RAC2: variants seen among roughly 807,000 people sequenced by gnomAD.
RAC2 encodes ras-related C3 botulinum toxin substrate 2.
A neutral mutation model predicts 24.0 loss-of-function variants in RAC2; 1 was observed. The observed-to-expected ratio is 0.04, with a 90% CI of 0.01 to 0.20. The LOEUF is 0.20. Among genes scored for constraint, RAC2 ranks in the 10% least tolerant of loss-of-function variants. The pLI is 1.00. For synonymous variants in RAC2, 114 were observed against 106.8 expected, an observed-to-expected ratio of 1.07 and a Z score of -0.41; for missense variants, 130 against 259.1, an observed-to-expected ratio of 0.50 and a Z score of 3.42.
Position 37,237,050 on chromosome 22 carries a change from G to A in RAC2, c.108-4132C>T, listed in dbSNP as rs181241200. Among the ~76,000 whole-genome samples the A allele has an allele frequency of 5.5e-3, 839 of 152,246 alleles. 6 individuals carry two copies. Among genetic ancestry groups the A allele is most frequent in the African/African-American group, 0.019 (776 of 41,546 alleles). Reference sequence around the variant, plus strand: ...CCAAAAATACAAAACTTAGCTGGGTGTGGTGGTGCATGCCTGTAGTCCCAG... The same window carrying A: ...CCAAAAATACAAAACTTAGCTGGGTATGGTGGTGCATGCCTGTAGTCCCAG... On this transcript the variant is annotated intron_variant, in intron 2 of 6. Coordinates refer to ENST00000249071, the MANE Select transcript of RAC2 (RefSeq NM_002872.5).
intron 2 of RAC2, chr22:37,241,213 G>A (rs1229399254): frequency 1.3e-5 from 10 of 770,590 alleles, no homozygotes; most frequent in Non-Finnish European, 1.2e-5. Context: ...GTCCCCAGGT[G>A]TCCCTGTTCC....
chr22:37,226,844 C>CG (rs768166435), intron 5 of RAC2, 41 bp from the exon 6 acceptor site: 103 of 1,597,162 alleles, frequency 6.4e-5, no homozygotes, highest in Middle Eastern at 5.0e-4. Flanking sequence ...GCCTAAGTGG[C>CG]GGGGGGGGTT....
chr22:37,241,352 G>A (rs1927385757), intron 2 of RAC2, among the ~76,000 whole-genome samples: 1 of 152,170 alleles, frequency 6.6e-6, no homozygotes, highest in South Asian at 2.1e-4. Flanking sequence ...CAGCCTAAAG[G>A]CCACCCCTCC....
intron 1 of RAC2, among the ~76,000 whole-genome samples, chr22:37,242,150 A>G (rs1927417366): frequency 6.6e-6 from 1 of 152,170 alleles, no homozygotes; most frequent in African/African-American, 2.4e-5. Context: ...AGTAAATCCA[A>G]CGAGGCCTAT....
intron 1 of RAC2, among the ~76,000 whole-genome samples, chr22:37,243,091 C>T (rs192713128): frequency 5.0e-4 from 76 of 152,298 alleles, no homozygotes; most frequent in African/African-American, 1.7e-3. Context: ...CTCAAACTCC[C>T]GGGCTCAGGC....
intron 2 of RAC2, among the ~76,000 whole-genome samples, chr22:37,237,741 G>A (rs1347181819): frequency 6.6e-6 from 1 of 152,138 alleles, no homozygotes; most frequent in African/African-American, 2.4e-5. Flanking sequence ...TCATGACGGA[G>A]CAACAGGAAT....
At chr22:37,233,007 G>T in intron 2 of RAC2, 89 bp from the exon 3 acceptor site, 1 of 992,692 alleles carries the variant, frequency 1.0e-6, no homozygotes, top group Non-Finnish European at 1.6e-6. Flanking sequence ...TTCCTCGGAG[G>T]CTGAGACCTA....
rs917137441 is a variant in RAC2 at position 37,231,134 on chromosome 22, C to G, written c.448+97G>C. The G allele has an allele frequency of 6.8e-7, 1 of 1,463,170 alleles. No homozygotes were observed. The allele number at this position is 1,463,170 out of a possible 1,614,324, so 90.6% of individuals were successfully genotyped here. A position where few individuals can be genotyped will look rare whatever the true frequency, so the allele number is the denominator to read the frequency against. On this transcript the variant is annotated intron_variant, in intron 5 of 6. Coordinates refer to ENST00000249071, the MANE Select transcript of RAC2 (RefSeq NM_002872.5). The surrounding 1 kb of genome is among the most constrained non-coding windows in gnomAD (Gnocchi z 5.5). ...ACAGCACAGCTGAGTTCAAACTGCA[C>G]AGCCTGGCCCTGCAGCCCGTGTTTA... is the stretch of plus-strand genomic sequence containing the variant.
chr22:37,229,201 G>A (rs1342897480), intron 5 of RAC2, among the ~76,000 whole-genome samples: 1 of 152,182 alleles, frequency 6.6e-6, no homozygotes, highest in Non-Finnish European at 1.5e-5. Flanking sequence ...CCCTCTCCGG[G>A]CCTCAGTCTC....
At chr22:37,233,048 C>T in intron 2 of RAC2, 130 bp from the exon 3 acceptor site, 4 of 715,290 alleles carry the variant, frequency 5.6e-6, no homozygotes, top group Non-Finnish European at 1.0e-5. Flanking sequence ...CAAAGTCACA[C>T]AGCATTTGCA....
rs755454147 is a variant in RAC2 at position 37,232,819 on chromosome 22, C to T, written c.207G>A (p.Pro69=). The T allele has an allele frequency of 8.1e-6, 13 of 1,613,448 alleles. No homozygotes were observed. The highest frequency in any genetic ancestry group is 2.2e-5 in the South Asian group (2 of 91,062). Residue 69 remains proline (P), a synonymous_variant, in exon 3 of 7, where the codon CCG becomes CCA. Coordinates refer to ENST00000249071, the MANE Select transcript of RAC2 (RefSeq NM_002872.5). ...AGQEDYDRLR[P]LSYPQTDVFL... ...AGCACACCGTCTGTGGATAGGAGAGCGGCCGGAGACGGTCGTAGTCCTCCT... is the reference window on the plus strand; with the variant it reads ...AGCACACCGTCTGTGGATAGGAGAGTGGCCGGAGACGGTCGTAGTCCTCCT...
intron 3 of RAC2, chr22:37,232,287 A>T: frequency 3.9e-6 from 2 of 516,196 alleles, no homozygotes; most frequent in Non-Finnish European, 7.0e-6. Context: ...TGAGGCTTCC[A>T]GAGGTTAAAG....
chr22:37,239,828 G>A (rs1005818754), intron 2 of RAC2, among the ~76,000 whole-genome samples: 2 of 152,212 alleles, frequency 1.3e-5, no homozygotes, highest in Non-Finnish European at 2.9e-5. Flanking sequence ...AGCAGGAGCT[G>A]CCTCACCTAA....
At chr22:37,236,175 CA>C (rs1207225361) in intron 2 of RAC2, among the ~76,000 whole-genome samples, 2 of 151,930 alleles carry the variant, frequency 1.3e-5, no homozygotes, top group East Asian at 3.8e-4. Context: ...TAGGAGAATC[CA>C]AAAAAACAGA....
At chr22:37,242,349 T>C (rs1927424866) in intron 1 of RAC2, among the ~76,000 whole-genome samples, 1 of 152,190 alleles carries the variant, frequency 6.6e-6, no homozygotes, top group African/African-American at 2.4e-5. Flanking sequence ...TGAACTTTCA[T>C]TTTCCCACCT....
At position 37,232,890 on chromosome 22, in the gene RAC2, C is replaced by T; in HGVS notation, c.136G>A (p.Val46Met). The T allele has an allele frequency of 6.2e-7, 1 of 1,614,058 alleles. No homozygotes were observed. Among genetic ancestry groups the T allele is most frequent in the Non-Finnish European group, 8.5e-7 (1 of 1,179,978 alleles). Residue 46 changes from valine (V) to methionine (M), a missense_variant, in exon 3 of 7, where the codon GTG becomes ATG. This residue lies in a region of RAC2 where 11 missense variants were observed against 67.0 expected (regional missense o/e 0.16). Transcript: ENST00000249071. The stretch of plus-strand genomic sequence containing the variant: ...CCCAGGTTCACTGGCTTGCTGTCCA[C>T]CATCACATTGGCTGAATAGTTGTCA... ...VFDNYSANVMVDSKPVNLGLW... is the reference protein window; with the variant it reads ...VFDNYSANVMMDSKPVNLGLW...
chr22:37,232,145 T>G, intron 3 of RAC2, 151 bp from the exon 4 acceptor site: 1 of 782,150 alleles, frequency 1.3e-6, no homozygotes, highest in South Asian at 1.5e-5. Context: ...AGAGATACCC[T>G]TCTCGCCTCT....
chr22:37,227,875 C>A (rs1292497236), intron 5 of RAC2, among the ~76,000 whole-genome samples: 5 of 152,130 alleles, frequency 3.3e-5, no homozygotes, highest in Non-Finnish European at 7.4e-5. Context: ...GCCTCCAGGG[C>A]AGGTCTGTGT....
rs1051701833 is a variant in RAC2, at chr22:37,231,618, G to A, written c.289-228C>T. The A allele has an allele frequency of 1.6e-6, 1 of 606,066 alleles. No individual in the cohort carries two copies. The allele number at this position is 606,066 out of a possible 1,614,324, so 37.5% of individuals were successfully genotyped here. On this transcript the variant is annotated intron_variant, in intron 4 of 6. Transcript: ENST00000249071. This position sits in a 1 kb window ranked among gnomAD's most constrained non-coding sequence, Gnocchi z 5.5. ...GGCGCATGATTGTAGGAAAGGAGGA[G>A]GCGAGGTTTTGTGCAGACATAAGAA...
Sources: allele counts gnomAD v4.1 joint callset (sites outside exome capture counted in the v4.1 genomes callset), GRCh38; gene constraint gnomAD v4.1.1; regional missense constraint gnomAD v4.1.1; non-coding constraint Gnocchi (gnomAD v3.1); transcripts MANE v1.5; gene names NCBI Gene and HGNC (gene_info 2026-07-23, HGNC 2026-07-21).